The following NCLN variants were observed in gnomAD, a reference collection of about 807,000 sequenced individuals.
NCLN encodes the protein nicalin, also known as BOS complex subunit NCLN.
A neutral mutation model predicts 69.5 loss-of-function variants in NCLN; 34 were observed. The ratio of observed to expected loss-of-function variants is 0.49; its 90% CI spans 0.37 to 0.65. The LOEUF is 0.65. Among genes scored for constraint, NCLN ranks in the 30% least tolerant of loss-of-function variants. The probability of loss-of-function intolerance (pLI) is 0.00; values close to 1 mark genes in which losing one functional copy is unlikely to be tolerated. For synonymous variants in NCLN, 393 were observed against 358.3 expected, an observed-to-expected ratio of 1.10 and a Z score of -1.09; for missense variants, 710 against 804.8, an observed-to-expected ratio of 0.88 and a Z score of 1.42.
Position 3,205,152 on chromosome 19 carries a change from A to G in NCLN, c.1208+401A>G, listed in dbSNP as rs1916232148. Among the ~76,000 whole-genome samples, 1 of 152,034 alleles carries G rather than the reference A, an allele frequency of 6.6e-6. No individual in the cohort carries two copies. Among genetic ancestry groups the G allele is most frequent in the South Asian group, 2.1e-4 (1 of 4,830 alleles). On this transcript the variant is annotated intron_variant, in intron 9 of 14. Transcript: ENST00000246117. The surrounding 1 kb of genome is among the most constrained non-coding windows in gnomAD (Gnocchi z 4.6). ...TTCCTCGCCCCGCCTCCCTCTGGGC[A>G]CTGTGTCTCTGGCTTCTTATGTCCT...
chr19:3,193,417 C>G lies in NCLN; in HGVS notation c.509C>G (p.Ser170Cys). The G allele has an allele frequency of 1.2e-6, 2 of 1,605,100 alleles. No homozygotes were observed. The highest frequency in any genetic ancestry group is 8.5e-7 in the Non-Finnish European group (1 of 1,178,650). The stretch of plus-strand genomic sequence containing the variant: ...GCCTCCGCCTCCCAGGGCTCCGCCT[C>G]TGCTGCTGAAGGTGTGCTCTGGGCT... ...QAASASQGSA[S>C]AAEVLLRTAT... Residue 170 changes from serine (S) to cysteine (C), a missense_variant, in exon 3 of 15, where the codon TCT (serine) becomes TGT (cysteine). Transcript: ENST00000246117.
chr19:3,190,983 G>A (rs1915806712), intron 1 of NCLN, among the ~76,000 whole-genome samples: 3 of 152,012 alleles, frequency 2.0e-5, no homozygotes, highest in Admixed American at 6.5e-5. Context: ...GTCTTTCCAG[G>A]GCAACTCAGG....
chr19:3,190,809 G>T (rs542061313), intron 1 of NCLN, among the ~76,000 whole-genome samples: 1 of 152,286 alleles, frequency 6.6e-6, no homozygotes, highest in East Asian at 1.9e-4. Context: ...GTGGCATTCT[G>T]TTGGCTTGTG....
rs1333885040 is a variant in NCLN at position 3,207,697 on chromosome 19, CCCCCACA to C, written c.*10_*16del. The C allele has an allele frequency of 1.2e-6, 2 of 1,608,812 alleles. No individual in the cohort carries two copies. The highest frequency in any genetic ancestry group is 8.5e-7 in the Non-Finnish European group (1 of 1,176,586). Reference sequence around the variant, plus strand: ...AGGCCAAGACACAGTGACACAGCCACCCCCACAGCCGGAGCCCCCGCCGCTCCACAGT... The same window carrying C: ...AGGCCAAGACACAGTGACACAGCCACGCCGGAGCCCCCGCCGCTCCACAGT... On this transcript the variant is annotated 3_prime_UTR_variant, in exon 15 of 15. Coordinates refer to ENST00000246117, the MANE Select transcript of NCLN (RefSeq NM_020170.4).
rs888245768 is a variant in NCLN, at chr19:3,205,488, C to T, written c.1209-451C>T. Among the ~76,000 whole-genome samples the T allele has an allele frequency of 1.3e-5, 2 of 152,168 alleles. No homozygotes were observed. Among genetic ancestry groups the T allele is most frequent in the Admixed American group, 1.3e-4 (2 of 15,276 alleles). On this transcript the variant is annotated intron_variant, in intron 9 of 14. Transcript: ENST00000246117. This position sits in a 1 kb window ranked among gnomAD's most constrained non-coding sequence, Gnocchi z 4.6. ...TCCTGGAAAGGATGGAGGTGGCGGTCGCCCACCAGCCAGGAAAGATTGCCA... is the reference window on the plus strand; with the variant it reads ...TCCTGGAAAGGATGGAGGTGGCGGTTGCCCACCAGCCAGGAAAGATTGCCA...
chr19:3,201,411 C>T (rs927903304), intron 5 of NCLN, 112 bp from the exon 6 acceptor site: 20 of 732,140 alleles, frequency 2.7e-5, no homozygotes, highest in African/African-American at 1.9e-4. Flanking sequence ...CATGGGGCTA[C>T]GGGAGTAGGG....
Position 3,206,008 on chromosome 19 carries a change from C to G in NCLN, c.1278C>G (p.Ile426Met). 1 of 1,613,512 alleles carries G rather than the reference C, an allele frequency of 6.2e-7. No homozygotes were observed. Among genetic ancestry groups the G allele is most frequent in the South Asian group, 1.1e-5 (1 of 91,068 alleles). The part of the protein sequence containing the change: ...RIIAEALTRV[I>M]YNLTEKGTPP... ...TTGCAGAGGCCCTGACTCGAGTCAT[C>G]TACAACCTGACAGAGAAGGTGAGCC... The change falls in exon 10 of 15, where the codon ATC becomes ATG. Residue 426 changes from isoleucine to methionine, a missense_variant. Coordinates refer to ENST00000246117, the MANE Select transcript of NCLN (RefSeq NM_020170.4).
Position 3,192,578 on chromosome 19 carries a change from A to G in NCLN, c.293A>G (p.Gln98Arg). ...CTGGACTTCTCCTACGAGCAGTACC[A>G]GAAGGCCCTGCGGCAGTCGGCGGGC... ...RLLDFSYEQY[Q>R]KALRQSAGAV... The change falls in exon 2 of 15, where the codon CAG (glutamine) becomes CGG (arginine). Residue 98 changes from glutamine to arginine, a missense_variant. Gln to Arg is a conservative substitution (Grantham distance 43). Coordinates refer to ENST00000246117, the MANE Select transcript of NCLN (RefSeq NM_020170.4). 6.2e-7 allele frequency: 1 copy of G among 1,608,622 alleles called. No individual in the cohort carries two copies. The highest frequency in any genetic ancestry group is 1.3e-5 in the African/African-American group (1 of 74,818).
chr19:3,191,619 A>G (rs1915830548), intron 1 of NCLN, among the ~76,000 whole-genome samples: 2 of 152,244 alleles, frequency 1.3e-5, no homozygotes, highest in African/African-American at 4.8e-5. Context: ...GGCCGTCCCC[A>G]TCTGGGACCC....
At chr19:3,207,516 G>T (rs769474174) in intron 14 of NCLN, 47 bp downstream of exon 14, 5 of 1,609,320 alleles carry the variant, frequency 3.1e-6, no homozygotes, top group Non-Finnish European at 4.2e-6. Flanking sequence ...CCCGCCGGGA[G>T]GAGCTGGGCT....
chr19:3,192,703 CG>C, intron 2 of NCLN, 43 bp downstream of exon 2: 1 of 1,468,090 alleles, frequency 6.8e-7, no homozygotes, highest in African/African-American at 1.5e-5. Context: ...TCCAGAGCTG[CG>C]GCGGGAGTTG....
rs1369397778 is a variant in NCLN at position 3,207,187 on chromosome 19, T to A, written c.1500-11T>A. 3 of 1,613,496 alleles carry A rather than the reference T, an allele frequency of 1.9e-6. No individual in the cohort carries two copies. The highest frequency in any genetic ancestry group is 1.7e-5 in the Admixed American group (1 of 60,000). On this transcript the variant is annotated splice_polypyrimidine_tract_variant and intron_variant, in intron 12 of 14. Coordinates refer to ENST00000246117, the MANE Select transcript of NCLN (RefSeq NM_020170.4). ...GCAGTGGTGCCCCCTGAGAAAGTGC[T>A]CTCTCCCCAGGGACCCAGAGTTTGT...
chr19:3,207,573 A>G, intron 14 of NCLN, 56 bp from the exon 15 acceptor site: 1 of 1,609,714 alleles, frequency 6.2e-7, no homozygotes, highest in Non-Finnish European at 8.5e-7. Flanking sequence ...CTAGAGTCAC[A>G]TGACCTGGGG....
rs745429484 is a variant in NCLN, at chr19:3,205,832, A to G, written c.1209-107A>G. ...GCTTAATTTTTTTTTTTTTTTAAAG[A>G]CAGAGTCTCACGGTCTCCTAGGCTG... On this transcript the variant is annotated intron_variant, in intron 9 of 14. Coordinates refer to ENST00000246117, the MANE Select transcript of NCLN (RefSeq NM_020170.4). This position sits in a 1 kb window ranked among gnomAD's most constrained non-coding sequence, Gnocchi z 4.6. The G allele has an allele frequency of 1.6e-5, 15 of 959,572 alleles. No individual in the cohort carries two copies. The highest frequency in any genetic ancestry group is 3.3e-5 in the African/African-American group (2 of 59,912). The allele number at this position is 959,572 out of a possible 1,614,324, so 59.4% of individuals were successfully genotyped here. A position where few individuals can be genotyped will look rare whatever the true frequency, so the allele number is the denominator to read the frequency against.
rs780414060 is a variant in NCLN at position 3,192,640 on chromosome 19, G to A, written c.355G>A (p.Val119Met). The A allele has an allele frequency of 2.6e-6, 4 of 1,568,470 alleles. No homozygotes were observed. The highest frequency in any genetic ancestry group is 2.3e-5 in the South Asian group (2 of 86,954). ...CATCCTGCCCAGGGCCATGGCCGCC[G>A]TGCCCCAGGACGTCGTCCGGGTGAG... ...VIILPRAMAA[V>M]PQDVVRQFME... The change falls in exon 2 of 15, where the codon GTG becomes ATG. Residue 119 changes from valine (V) to methionine (M), a missense_variant. Coordinates refer to ENST00000246117, the MANE Select transcript of NCLN (RefSeq NM_020170.4).
At position 3,199,635 on chromosome 19, in the gene NCLN, G is replaced by A. The variant is rs114412317; in HGVS notation, c.696+738G>A. 5.6e-3 allele frequency among the ~76,000 whole-genome samples: 849 copies of A among 152,074 alleles called. 8 individuals carry two copies. The highest frequency in any genetic ancestry group is 0.019 in the African/African-American group (805 of 41,452). ...TGGTTCTGCTCAGCGTGGGTTGAGC[G>A]GGAGTGGGGTGGGGGGGCATGTACC... On this transcript the variant is annotated intron_variant, in intron 5 of 14. Transcript: ENST00000246117.
chr19:3,188,423 C>T (rs887504544), intron 1 of NCLN, among the ~76,000 whole-genome samples: 1 of 152,206 alleles, frequency 6.6e-6, no homozygotes, highest in African/African-American at 2.4e-5. Context: ...ACGCCCTCTC[C>T]AGCCTCCTAG....
intron 1 of NCLN, among the ~76,000 whole-genome samples, chr19:3,190,944 C>T (rs1915805658): frequency 6.6e-6 from 1 of 152,128 alleles, no homozygotes. Flanking sequence ...ACGTGGGTGG[C>T]CCTTTTAGAG....
At chr19:3,199,252 A>T (rs1180889037) in intron 5 of NCLN, among the ~76,000 whole-genome samples, 1 of 152,250 alleles carries the variant, frequency 6.6e-6, no homozygotes, top group East Asian at 1.9e-4. Context: ...TGGAGCACGT[A>T]GCAGAGTCCG....
Sources: gnomAD v4.1 joint callset for allele counts (sites outside exome capture counted in the v4.1 genomes callset) on GRCh38, gnomAD v4.1.1 for gene constraint, Gnocchi (gnomAD v3.1) non-coding constraint, MANE v1.5 for transcripts, NCBI Gene and HGNC (gene_info 2026-07-23, HGNC 2026-07-21) for gene names.